TMEM131: variants seen among roughly 807,000 people sequenced by gnomAD.
The protein encoded by TMEM131 is 2610524E03Rik.
In TMEM131, 66 loss-of-function variants were observed where a neutral mutation model predicts 211.6. That is an observed-to-expected ratio of 0.31 (90% confidence interval 0.26 to 0.38). TMEM131 has a LOEUF of 0.38. TMEM131 is among the 10% of genes least tolerant of loss of function. TMEM131 has a pLI of 1.00. For missense variants in TMEM131, 2,036 were observed against 2,299.3 expected (o/e 0.89, Z 2.34); for synonymous variants, 844 against 841.3 (o/e 1.00, Z -0.06).
intron 33 of TMEM131, among the ~76,000 whole-genome samples, chr2:97,772,073 C>G (rs1236762539): frequency 1.3e-5 from 2 of 152,156 alleles, no homozygotes; most frequent in African/African-American, 2.4e-5. Context: ...TGAGCTCTGC[C>G]CTCTGCATAT....
At chr2:97,797,847 A>G (rs1680837586) in intron 25 of TMEM131, among the ~76,000 whole-genome samples, 2 of 152,222 alleles carry the variant, frequency 1.3e-5, no homozygotes, top group African/African-American at 2.4e-5. Context: ...ACAGAAAAGG[A>G]CACAAACCTA....
chr2:97,838,219 A>G (rs1683021104), intron 7 of TMEM131, among the ~76,000 whole-genome samples: 1 of 152,114 alleles, frequency 6.6e-6, no homozygotes, highest in Admixed American at 6.5e-5. Context: ...GTAAATATAT[A>G]TACACAAAAT....
At chr2:97,844,292 C>G (rs751775337) in intron 5 of TMEM131, 31 bp from the exon 6 acceptor site, 3 of 858,700 alleles carry the variant, frequency 3.5e-6, no homozygotes, top group South Asian at 7.1e-5. Flanking sequence ...AAATTTGTAA[C>G]AAGAAAAAAA....
chr2:97,916,696 G>C (rs1003502652), intron 2 of TMEM131, among the ~76,000 whole-genome samples: 1 of 152,220 alleles, frequency 6.6e-6, no homozygotes, highest in African/African-American at 2.4e-5. Context: ...TGGGATACAA[G>C]GGTAATGACC....
At position 97,814,323 on chromosome 2, in the gene TMEM131, T is replaced by C; in HGVS notation, c.1358A>G (p.Glu453Gly). The change falls in exon 14 of 41, where the codon GAA becomes GGA. Residue 453 changes from glutamate to glycine, a missense_variant. This residue lies in a region of TMEM131 where 1,623 missense variants were observed against 1,805.9 expected (regional missense o/e 0.90). Transcript: ENST00000186436. The part of the protein sequence containing the change: ...HIRDSPADPV[E>G]RPIYLTNTFS... ...AGTGTTAGTAAGGTAAATTGGCCTT[T>C]CCACAGGATCAGCAGGGCTGTCTCG... 3.1e-6 allele frequency: 5 copies of C among 1,613,872 alleles called. No individual in the cohort carries two copies. The highest frequency in any genetic ancestry group is 1.6e-4 in the Middle Eastern group (1 of 6,062).
intron 33 of TMEM131, among the ~76,000 whole-genome samples, chr2:97,768,891 C>T (rs1026988464): frequency 1.4e-5 from 2 of 143,858 alleles, no homozygotes; most frequent in African/African-American, 4.9e-5. Flanking sequence ...TGTGAGCCAC[C>T]GTGCCCAGAC....
chr2:97,833,326 G>C (rs751442131), intron 11 of TMEM131, 39 bp downstream of exon 11: 1 of 938,154 alleles, frequency 1.1e-6, no homozygotes, highest in Non-Finnish European at 1.6e-6. Context: ...TAAAAACAAA[G>C]AATATATAAA....
At chr2:97,803,732 C>A (rs1681149787) in intron 22 of TMEM131, among the ~76,000 whole-genome samples, 2 of 152,256 alleles carry the variant, frequency 1.3e-5, no homozygotes, top group South Asian at 4.1e-4. Flanking sequence ...AAGGTCTTAG[C>A]AATGGGGTGC....
chr2:97,923,664 T>A (rs1304932923), intron 2 of TMEM131, among the ~76,000 whole-genome samples: 1 of 150,486 alleles, frequency 6.6e-6, no homozygotes, highest in Non-Finnish European at 1.5e-5. Context: ...GACAAAATTC[T>A]GTTTGTGTTT....
chr2:97,937,164 G>T (rs755709182), intron 1 of TMEM131, among the ~76,000 whole-genome samples: 1 of 151,922 alleles, frequency 6.6e-6, no homozygotes, highest in Admixed American at 6.6e-5. Flanking sequence ...AGGAAACCAC[G>T]TGCAAAACTA....
At chr2:97,858,782 A>G (rs1482214582) in intron 5 of TMEM131, among the ~76,000 whole-genome samples, 1 of 152,246 alleles carries the variant, frequency 6.6e-6, no homozygotes, top group Non-Finnish European at 1.5e-5. Context: ...CAAGGGTTTC[A>G]GTTCTACAAC....
chr2:97,833,047 T>TA (rs1197780481), intron 11 of TMEM131, among the ~76,000 whole-genome samples: 2 of 152,250 alleles, frequency 1.3e-5, no homozygotes, highest in African/African-American at 2.4e-5. Context: ...GAAATCCTTA[T>TA]AACCTGTTTT....
At position 97,805,665 on chromosome 2, in the gene TMEM131, G is replaced by A; in HGVS notation, c.2094C>T (p.Ser698=). ...GCTGTATTTTTACCTTCTGTGAGAA[G>A]GAATTCATAATATTTAAACTTTGAT... ...IVHQSLNIMN[S]FSQKVKIQQI... Residue 698 remains serine (S), a synonymous_variant, in exon 20 of 41, where the codon TCC becomes TCT. Transcript: ENST00000186436. 6.2e-7 allele frequency: 1 copy of A among 1,606,614 alleles called. No homozygotes were observed.
chr2:97,941,902 T>C (rs1033180891), intron 1 of TMEM131, among the ~76,000 whole-genome samples: 6 of 152,214 alleles, frequency 3.9e-5, no homozygotes, highest in African/African-American at 1.2e-4. Context: ...TCAACCATTG[T>C]GGAAGACAGT....
chr2:97,857,424 G>A (rs1673893174), intron 5 of TMEM131, among the ~76,000 whole-genome samples: 2 of 152,020 alleles, frequency 1.3e-5, no homozygotes, highest in African/African-American at 4.8e-5. Context: ...CTGTATTACG[G>A]TAGCAATGAA....
intron 25 of TMEM131, among the ~76,000 whole-genome samples, chr2:97,799,241 T>C (rs1011720318): frequency 3.9e-5 from 6 of 152,116 alleles, no homozygotes; most frequent in African/African-American, 1.4e-4. Flanking sequence ...CTAGCAGCCA[T>C]TGTGTTTTTC....
intron 32 of TMEM131, among the ~76,000 whole-genome samples, chr2:97,775,099 A>G (rs1679653282): frequency 1.3e-5 from 2 of 152,182 alleles, no homozygotes; most frequent in African/African-American, 2.4e-5. Flanking sequence ...TTTGAAATCC[A>G]TTTATCTAAA....
chr2:97,821,720 A>G (rs971470953), intron 11 of TMEM131, among the ~76,000 whole-genome samples: 4 of 152,068 alleles, frequency 2.6e-5, no homozygotes, highest in African/African-American at 9.7e-5. Flanking sequence ...ATTCTGTCCT[A>G]TTTTTCCTTA....
At chr2:97,941,618 G>A (rs950347028) in intron 1 of TMEM131, among the ~76,000 whole-genome samples, 2 of 152,072 alleles carry the variant, frequency 1.3e-5, no homozygotes, top group African/African-American at 2.4e-5. Context: ...GAACTTAAAC[G>A]AATTTACAAG....
Sources: gnomAD v4.1 joint callset for allele counts (sites outside exome capture counted in the v4.1 genomes callset) on GRCh38, gnomAD v4.1.1 for gene constraint, gnomAD v4.1.1 regional missense constraint, MANE v1.5 for transcripts, NCBI Gene and HGNC (gene_info 2026-07-23, HGNC 2026-07-21) for gene names.